The following TMEM260 variants were observed in gnomAD, a reference collection of about 807,000 sequenced individuals.
TMEM260 encodes transmembrane protein 260, also known as protein O-mannosyl-transferase TMEM260.
A neutral mutation model predicts 88.9 loss-of-function variants in TMEM260; 82 were observed. That is an observed-to-expected ratio of 0.92 (90% CI 0.77 to 1.11). The LOEUF (loss-of-function observed/expected upper bound fraction) is 1.11. TMEM260 is among the 50% of genes least tolerant of loss of function. The probability of loss-of-function intolerance (pLI) is 0.00; values close to 1 mark genes in which losing one functional copy is unlikely to be tolerated. For synonymous variants in TMEM260, 314 were observed against 309.3 expected (o/e 1.02, Z -0.16); for missense variants, 902 against 853.4 (o/e 1.06, Z -0.71).
the TMEM260 span, among the ~76,000 whole-genome samples, chr14:56,656,453 G>C: frequency 0.26 from 39,795 of 151,962 alleles, 8,677 homozygotes; most frequent in African/African-American, 0.59. Context: ...GCTCTGTGTG[G>C]CTTAATTTCC....
chr14:56,579,895 C>A lies in TMEM260; in HGVS notation c.-20C>A, dbSNP rs1303288565. ...GTTCTTGGGCTGGCCGTGTCCTTCT[C>A]CCTCGGTCGCCACTGGCCCATGAGT... On this transcript the variant is annotated 5_prime_UTR_variant, in exon 1 of 16. Coordinates refer to ENST00000261556, the MANE Select transcript of TMEM260 (RefSeq NM_017799.4). The A allele has an allele frequency of 8.1e-7, 1 of 1,232,402 alleles. No individual in the cohort carries two copies. 76.3% of individuals were successfully genotyped at this position (1,232,402 alleles called of 1,614,324 possible). A position where few individuals can be genotyped will look rare whatever the true frequency, so the allele number is the denominator to read the frequency against.
chr14:56,603,925 T>C lies in TMEM260; in HGVS notation c.455T>C (p.Phe152Ser), dbSNP rs756064596. The change falls in exon 4 of 16, where the codon TTT (phenylalanine) becomes TCT (serine). Residue 152 changes from phenylalanine to serine, a missense_variant. Coordinates refer to ENST00000261556, the MANE Select transcript of TMEM260 (RefSeq NM_017799.4). ...GAGGTTTTTAGCTTAAACAATCTCT[T>C]TGTGGGGCTGCTTATGGCTCTTACT... ...AAEVFSLNNL[F>S]VGLLMALTVH... 3.1e-6 allele frequency: 5 copies of C among 1,613,288 alleles called. No individual in the cohort carries two copies. The Admixed American group carries it at 8.4e-5, about 27-fold the overall frequency.
At position 56,589,660 on chromosome 14, in the gene TMEM260, C is replaced by T. The variant is rs989966328; in HGVS notation, c.344+3748C>T. Among the ~76,000 whole-genome samples, 9 of 152,192 alleles carry T rather than the reference C, an allele frequency of 5.9e-5. No individual in the cohort carries two copies. The East Asian group carries it at 1.7e-3, about 29-fold the overall frequency. On this transcript the variant is annotated intron_variant, in intron 3 of 15. Transcript: ENST00000261556. ...AACTTTGCTTACTACAAAGAACGTA[C>T]GATCAATTTCAGTAATCCTTAAATA...
At chr14:56,596,425 T>TATATATATATATATATATACAC (rs1490067903) in intron 3 of TMEM260, among the ~76,000 whole-genome samples, 1 of 135,636 alleles carries the variant, frequency 7.4e-6, no homozygotes, top group African/African-American at 2.9e-5. Flanking sequence ...TATATATATA[T>TATATATATATATATATATACAC]ACATACACAC....
intron 5 of TMEM260, among the ~76,000 whole-genome samples, chr14:56,607,031 A>C (rs915152760): frequency 2.0e-5 from 3 of 152,242 alleles, no homozygotes. Flanking sequence ...ACAGCATAAC[A>C]GGCAGTGTCT....
At chr14:56,591,421 A>G (rs543315381) in intron 3 of TMEM260, among the ~76,000 whole-genome samples, 89 of 152,298 alleles carry the variant, frequency 5.8e-4, no homozygotes, top group Middle Eastern at 3.4e-3. Context: ...CATTCTGTTG[A>G]CTTTAGTTAT....
intron 12 of TMEM260, among the ~76,000 whole-genome samples, chr14:56,631,516 C>T (rs148021360): frequency 3.4e-4 from 52 of 151,164 alleles, no homozygotes; most frequent in South Asian, 3.4e-3. Context: ...CCAGCTACTC[C>T]GGAGGCTGAG....
intron 5 of TMEM260, among the ~76,000 whole-genome samples, chr14:56,608,203 T>G (rs527447833): frequency 1.3e-5 from 2 of 152,348 alleles, no homozygotes; most frequent in South Asian, 4.1e-4. Context: ...CTTGTTCTAC[T>G]TCTAGTGAAT....
At position 56,639,795 on chromosome 14, in the gene TMEM260, C is replaced by T. The variant is rs1889428467; in HGVS notation, c.1869+3197C>T. 2.0e-5 allele frequency among the ~76,000 whole-genome samples: 3 copies of T among 152,290 alleles called. 1 individual carries two copies. The highest frequency in any genetic ancestry group is 6.8e-3 in the Middle Eastern group (2 of 294). ...GGGTCACTCCCACCCTAATACTGTG[C>T]TTTTCCAATGGGCTTAACAAACGGC... On this transcript the variant is annotated intron_variant, in intron 15 of 15. Coordinates refer to ENST00000261556, the MANE Select transcript of TMEM260 (RefSeq NM_017799.4).
intron 14 of TMEM260, 42 bp downstream of exon 14, chr14:56,634,994 A>G (rs1383001617): frequency 1.3e-6 from 2 of 1,569,242 alleles, no homozygotes; most frequent in Non-Finnish European, 8.8e-7. Context: ...TATTTTTAAT[A>G]TGGCAGGGAA....
chr14:56,662,227 C>G, the TMEM260 span, among the ~76,000 whole-genome samples: 1 of 152,184 alleles, frequency 6.6e-6, no homozygotes, highest in Non-Finnish European at 1.5e-5. Context: ...TTTAATATTG[C>G]AAACAACTAC....
At chr14:56,643,545 C>G (rs1889754031) in intron 15 of TMEM260, among the ~76,000 whole-genome samples, 1 of 152,056 alleles carries the variant, frequency 6.6e-6, no homozygotes, top group Non-Finnish European at 1.5e-5. Flanking sequence ...AAACCCACAG[C>G]CAATATCATA....
chr14:56,663,083 C>T, the TMEM260 span, among the ~76,000 whole-genome samples: 8 of 152,040 alleles, frequency 5.3e-5, no homozygotes, highest in African/African-American at 9.7e-5. The surrounding 1 kb of genome is among the most constrained non-coding windows in gnomAD (Gnocchi z 4.1). Flanking sequence ...GAGCCAAGAT[C>T]GCGCTGTTGC....
chr14:56,585,640 T>G, intron 2 of TMEM260, 121 bp from the exon 3 acceptor site: 2 of 898,168 alleles, frequency 2.2e-6, no homozygotes, highest in Non-Finnish European at 3.4e-6. Flanking sequence ...TATTCAAACA[T>G]TTAGTCATTG....
rs1286945821 is a variant in TMEM260 at position 56,579,957 on chromosome 14, G to A, written c.43G>A (p.Ala15Thr). 1 of 1,239,860 alleles carries A rather than the reference G, an allele frequency of 8.1e-7. No individual in the cohort carries two copies. The allele number at this position is 1,239,860 out of a possible 1,614,324, so 76.8% of individuals were successfully genotyped here. Residue 15 changes from alanine to threonine, a missense_variant, in exon 1 of 16, where the codon GCA becomes ACA. Ala to Thr is a moderately conservative substitution (Grantham distance 58). Coordinates refer to ENST00000261556, the MANE Select transcript of TMEM260 (RefSeq NM_017799.4). ...GDGRGQAQGR[A>T]VRVGLRRSGG... is the part of the protein sequence containing the mutation. ...CGGCAGGGGCCAGGCCCAGGGGCGG[G>A]CAGTCCGAGTGGGGCTGCGGCGCTC... is the stretch of plus-strand genomic sequence containing the variant.
chr14:56,616,705 T>C (rs1253168776), intron 8 of TMEM260, among the ~76,000 whole-genome samples: 1 of 152,060 alleles, frequency 6.6e-6, no homozygotes, highest in Non-Finnish European at 1.5e-5. Flanking sequence ...TGGTTATTGC[T>C]TAAAGATTTA....
At chr14:56,629,879 T>C (rs1243335077) in intron 12 of TMEM260, among the ~76,000 whole-genome samples, 1 of 151,690 alleles carries the variant, frequency 6.6e-6, no homozygotes, top group African/African-American at 2.4e-5. Flanking sequence ...TACAAAAAAA[T>C]AAAAATAAAA....
rs763854777 is a variant in TMEM260, at chr14:56,647,233, T to A, written c.1870-10T>A. On this transcript the variant is annotated splice_polypyrimidine_tract_variant and intron_variant, in intron 15 of 15. Coordinates refer to ENST00000261556, the MANE Select transcript of TMEM260 (RefSeq NM_017799.4). ...AACAATGGAATACCAACATTTCTGC[T>A]GTTTTCTAGCTTTATAAGGAGATTG... The A allele has an allele frequency of 1.9e-6, 3 of 1,587,976 alleles. No homozygotes were observed. The Admixed American group carries it at 5.3e-5, about 28-fold the overall frequency.
At chr14:56,653,156 A>G (rs1594912828), downstream of TMEM260, among the ~76,000 whole-genome samples, 1 of 151,990 alleles carries the variant, frequency 6.6e-6, no homozygotes, top group East Asian at 1.9e-4. Flanking sequence ...TTAGCCAGGC[A>G]TGGTGGCGGG....
Sources: gnomAD v4.1 joint callset for allele counts (sites outside exome capture counted in the v4.1 genomes callset) on GRCh38, gnomAD v4.1.1 for gene constraint, Gnocchi (gnomAD v3.1) non-coding constraint, MANE v1.5 for transcripts, NCBI Gene and HGNC (gene_info 2026-07-23, HGNC 2026-07-21) for gene names.